HHAT: variants seen among roughly 807,000 people sequenced by gnomAD.
HHAT encodes protein-cysteine N-palmitoyltransferase HHAT.
In HHAT, 47 loss-of-function variants were observed where a neutral mutation model predicts 70.8. The ratio of observed to expected loss-of-function variants is 0.66; its 90% confidence interval spans 0.53 to 0.85. The LOEUF is 0.85. HHAT is among the 40% of genes least tolerant of loss of function. The probability of loss-of-function intolerance (pLI) is 0.00; values close to 1 mark genes in which losing one functional copy is unlikely to be tolerated. For missense variants in HHAT, 609 were observed against 604.8 expected (o/e 1.01, Z -0.07); for synonymous variants, 228 against 247.6 (o/e 0.92, Z 0.74).
chr1:210,356,961 T>C (rs998055847), intron 2 of HHAT, among the ~76,000 whole-genome samples: 1 of 152,254 alleles, frequency 6.6e-6, no homozygotes, highest in African/African-American at 2.4e-5. Context: ...AAAGACCCAA[T>C]TGAACTTCTC....
intron 3 of HHAT, among the ~76,000 whole-genome samples, chr1:210,373,963 A>C (rs1011545736): frequency 2.0e-5 from 3 of 152,162 alleles, no homozygotes; most frequent in Admixed American, 2.0e-4. Flanking sequence ...TTAGCAAGTC[A>C]GATGTCACCA....
chr1:210,554,583 G>A (rs890803176), intron 9 of HHAT, among the ~76,000 whole-genome samples: 20 of 152,180 alleles, frequency 1.3e-4, no homozygotes, highest in African/African-American at 4.3e-4. Context: ...AGTGTGCAAT[G>A]TGTGGGAATA....
At chr1:210,348,851 AGT>A (rs1353450083) in intron 1 of HHAT, 80 bp from the exon 2 acceptor site, 2 of 1,357,470 alleles carry the variant, frequency 1.5e-6, no homozygotes, top group East Asian at 4.9e-5. Flanking sequence ...GGTCTCCGGG[AGT>A]GTGAACTAAC....
At chr1:210,353,908 T>A (rs2087321161) in intron 2 of HHAT, among the ~76,000 whole-genome samples, 1 of 152,202 alleles carries the variant, frequency 6.6e-6, no homozygotes, top group Non-Finnish European at 1.5e-5. Context: ...ATGAGTTGAA[T>A]GCTTAGCTCA....
chr1:210,515,087 G>A (rs1406589424), intron 9 of HHAT, among the ~76,000 whole-genome samples: 1 of 152,220 alleles, frequency 6.6e-6, no homozygotes, highest in Non-Finnish European at 1.5e-5. Context: ...GTTCTGTGAA[G>A]CAAGCAGAAC....
intron 11 of HHAT, among the ~76,000 whole-genome samples, chr1:210,657,821 G>C (rs944039735): frequency 6.6e-6 from 1 of 152,178 alleles, no homozygotes; most frequent in African/African-American, 2.4e-5. Context: ...GTGTGCGCCA[G>C]ATGCCTCTTC....
At chr1:210,387,255 G>C (rs970108302) in intron 3 of HHAT, among the ~76,000 whole-genome samples, 18 of 152,166 alleles carry the variant, frequency 1.2e-4, no homozygotes, top group South Asian at 6.2e-4. Flanking sequence ...ATTCCGGTTA[G>C]GTTGGTGCAA....
intron 11 of HHAT, among the ~76,000 whole-genome samples, chr1:210,640,204 C>G (rs751265261): frequency 5.4e-4 from 82 of 152,198 alleles, no homozygotes; most frequent in Non-Finnish European, 6.3e-4. Flanking sequence ...GTGGCAAGAA[C>G]TCAGCAGCCC....
chr1:210,552,603 C>T (rs973502812), intron 9 of HHAT, among the ~76,000 whole-genome samples: 3 of 152,182 alleles, frequency 2.0e-5, no homozygotes, highest in African/African-American at 7.2e-5. Flanking sequence ...TGAATTGAGA[C>T]ACCCTTCACA....
chr1:210,377,934 GA>G (rs568387233), intron 3 of HHAT, among the ~76,000 whole-genome samples: 447 of 152,080 alleles, frequency 2.9e-3, no homozygotes, highest in Non-Finnish European at 4.8e-3. Context: ...GTTATTTACA[GA>G]AAAAAAGGTT....
chr1:210,516,542 G>C (rs1397208640), intron 9 of HHAT, among the ~76,000 whole-genome samples: 1 of 152,066 alleles, frequency 6.6e-6, no homozygotes, highest in Non-Finnish European at 1.5e-5. Flanking sequence ...TGAGAGGGAT[G>C]GTACTTAAGG....
At chr1:210,349,296 G>A (rs1227776831) in intron 2 of HHAT, among the ~76,000 whole-genome samples, 1 of 152,098 alleles carries the variant, frequency 6.6e-6, no homozygotes, top group Non-Finnish European at 1.5e-5. Flanking sequence ...TATAATTGGT[G>A]GGTTTGATTC....
intron 7 of HHAT, among the ~76,000 whole-genome samples, chr1:210,427,828 C>T (rs1390466911): frequency 2.6e-5 from 4 of 151,904 alleles, no homozygotes; most frequent in Middle Eastern, 3.2e-3. Flanking sequence ...TGATGTAGTG[C>T]TGAGTTCAGG....
At chr1:210,601,172 T>A (rs762444604) in intron 10 of HHAT, among the ~76,000 whole-genome samples, 1 of 152,148 alleles carries the variant, frequency 6.6e-6, no homozygotes, top group East Asian at 1.9e-4. Flanking sequence ...ATTTTGAAGA[T>A]AGAGAATTCC....
intron 9 of HHAT, among the ~76,000 whole-genome samples, chr1:210,574,692 G>T (rs1318972499): frequency 3.3e-5 from 5 of 152,206 alleles, no homozygotes; most frequent in Non-Finnish European, 7.3e-5. Flanking sequence ...CATGGGCCAT[G>T]GGCCCTGCCT....
At position 210,362,845 on chromosome 1, in the gene HHAT, T is replaced by C. The variant is rs75519875; in HGVS notation, c.92-7T>C. 9.9e-6 allele frequency: 16 copies of C among 1,611,764 alleles called. No individual in the cohort carries two copies. The highest frequency in any genetic ancestry group is 3.3e-4 in the Middle Eastern group (2 of 6,080). On this transcript the variant is annotated splice_region_variant and splice_polypyrimidine_tract_variant and intron_variant, in intron 2 of 11. Coordinates refer to ENST00000261458, the MANE Select transcript of HHAT (RefSeq NM_018194.6). ...GTGACTAACGAAGACTTTTTTTTTT[T>C]GGTCAGAACACGAAGAGGAGCTGGA...
At chr1:210,418,512 G>A (rs1054429023) in intron 7 of HHAT, among the ~76,000 whole-genome samples, 187 bp downstream of exon 7, 1 of 152,254 alleles carries the variant, frequency 6.6e-6, no homozygotes, top group African/African-American at 2.4e-5. Context: ...TGTAGCTGAC[G>A]GAAGTGAGGG....
intron 3 of HHAT, among the ~76,000 whole-genome samples, chr1:210,373,185 G>C (rs914793373): frequency 1.1e-4 from 16 of 152,022 alleles, no homozygotes; most frequent in Admixed American, 3.9e-4. Flanking sequence ...TGGAAGTGCT[G>C]TAACATGATT....
At chr1:210,348,835 G>T in intron 1 of HHAT, 98 bp from the exon 2 acceptor site, 6 of 1,239,270 alleles carry the variant, frequency 4.8e-6, no homozygotes, top group Non-Finnish European at 6.6e-6. Flanking sequence ...ACCTTGAATA[G>T]TGATGGGTCT....
Sources: allele counts gnomAD v4.1 joint callset (sites outside exome capture counted in the v4.1 genomes callset), GRCh38; gene constraint gnomAD v4.1.1; transcripts MANE v1.5; gene names NCBI Gene and HGNC (gene_info 2026-07-23, HGNC 2026-07-21).